MTUS2: variants seen among roughly 807,000 people sequenced by gnomAD.
MTUS2 encodes microtubule associated scaffold protein 2.
Under a neutral mutation model 114.1 loss-of-function variants are expected in MTUS2, and 40 were observed. That is an observed-to-expected ratio of 0.35 (90% CI 0.27 to 0.46). MTUS2 has a LOEUF of 0.46. MTUS2 is among the 20% of genes least tolerant of loss of function. The probability of loss-of-function intolerance (pLI) is 1.00; values close to 1 mark genes in which losing one functional copy is unlikely to be tolerated. For missense variants in MTUS2, 1,679 were observed against 1,705.4 expected (o/e 0.98, Z 0.27); for synonymous variants, 688 against 672.0 (o/e 1.02, Z -0.37).
chr13:28,843,300 A>G (rs757582483), intron 2 of MTUS2, among the ~76,000 whole-genome samples: 1 of 152,142 alleles, frequency 6.6e-6, no homozygotes, highest in South Asian at 2.1e-4. Flanking sequence ...AGAAGTATCT[A>G]TATCATTGAA....
chr13:28,989,144 T>A (rs1884711296), intron 2 of MTUS2, among the ~76,000 whole-genome samples: 1 of 152,188 alleles, frequency 6.6e-6, no homozygotes, highest in African/African-American at 2.4e-5. Flanking sequence ...GATGCTCTGT[T>A]GGGCATGCTT....
chr13:28,986,303 G>A (rs1488043138), intron 2 of MTUS2, among the ~76,000 whole-genome samples: 2 of 152,122 alleles, frequency 1.3e-5, no homozygotes, highest in Non-Finnish European at 2.9e-5. Context: ...GAGGGTGATG[G>A]TGATTCATGG....
intron 5 of MTUS2, among the ~76,000 whole-genome samples, chr13:29,193,998 A>T (rs921971323): frequency 2.0e-4 from 31 of 152,030 alleles, no homozygotes; most frequent in Non-Finnish European, 2.5e-4. Flanking sequence ...TGGGGAAAGG[A>T]TTCCCTATTT....
intron 2 of MTUS2, among the ~76,000 whole-genome samples, chr13:28,980,307 A>T (rs540497780): frequency 6.6e-6 from 1 of 152,304 alleles, no homozygotes; most frequent in South Asian, 2.1e-4. Context: ...TTACATTGTT[A>T]AAAAAGTTAA....
At chr13:29,105,651 T>TC (rs1890630490) in intron 5 of MTUS2, among the ~76,000 whole-genome samples, 1 of 81,946 alleles carries the variant, frequency 1.2e-5, no homozygotes, top group Non-Finnish European at 3.4e-5. Context: ...TTTCTCCTGT[T>TC]TTTTTCTTTT....
chr13:29,277,039 A>G (rs915105124), intron 5 of MTUS2, among the ~76,000 whole-genome samples: 3 of 152,198 alleles, frequency 2.0e-5, no homozygotes, highest in African/African-American at 7.2e-5. Context: ...ACAGTTATTA[A>G]TCTCTGTTCT....
At chr13:29,000,963 C>T (rs1171474050) in intron 2 of MTUS2, among the ~76,000 whole-genome samples, 6 of 152,174 alleles carry the variant, frequency 3.9e-5, no homozygotes, top group Non-Finnish European at 8.8e-5. Context: ...TCCCCAGTTC[C>T]GCTGAACACT....
In MTUS2 at chr13:29,034,132, G is replaced by A. The variant is rs751807275; in HGVS notation, c.2446+7G>A. On this transcript the variant is annotated splice_region_variant and intron_variant, in intron 4 of 15. Coordinates refer to ENST00000612955, the MANE Select transcript of MTUS2 (RefSeq NM_001033602.4). ...TACAGTTCCGATCCTTCAGGTAACC[G>A]ATCCAACAGTTTCTGCCTTTTCCTG... 8.1e-6 allele frequency: 13 copies of A among 1,613,432 alleles called. No homozygotes were observed. Among genetic ancestry groups the A allele is most frequent in the East Asian group, 4.5e-5 (2 of 44,886 alleles).
chr13:29,149,302 T>C (rs1165958152), intron 5 of MTUS2, among the ~76,000 whole-genome samples: 1 of 152,246 alleles, frequency 6.6e-6, no homozygotes, highest in Non-Finnish European at 1.5e-5. Context: ...TTCTTATGTT[T>C]GTTGGCCGCA....
chr13:29,283,680 A>G (rs1023145757), intron 6 of MTUS2, among the ~76,000 whole-genome samples: 7 of 152,164 alleles, frequency 4.6e-5, no homozygotes, highest in Admixed American at 1.3e-4. Flanking sequence ...GAGAATTTGC[A>G]TTTCTAACAA....
At chr13:28,946,272 CGTGTGTGTGTGTGT>C (rs58873985) in intron 2 of MTUS2, among the ~76,000 whole-genome samples, 6 of 149,134 alleles carry the variant, frequency 4.0e-5, no homozygotes, top group East Asian at 2.0e-4. Flanking sequence ...TTTCTGTCTG[CGTGTGTGTGTGTGT>C]GTGTGTGTGT....
At chr13:29,075,925 T>C (rs1191642767) in intron 4 of MTUS2, among the ~76,000 whole-genome samples, 1 of 152,204 alleles carries the variant, frequency 6.6e-6, no homozygotes, top group East Asian at 1.9e-4. Flanking sequence ...TTGAAGTCTT[T>C]AGCTTATCCT....
rs1299830207 is a variant in MTUS2, at chr13:29,503,176, T to C, written c.4080T>C (p.Ser1360=). The change falls in exon 16 of 16, where the codon TCT becomes TCC. Residue 1360 remains serine (S), a synonymous_variant. Coordinates refer to ENST00000612955, the MANE Select transcript of MTUS2 (RefSeq NM_001033602.4). ...VYRGSSSGPS[S]PARVSTTPR ...GCGGCTCCTCCTCGGGGCCCTCCTC[T>C]CCGGCCAGAGTCAGCACAACACCCA... 1.2e-6 allele frequency: 2 copies of C among 1,614,084 alleles called. No individual in the cohort carries two copies. Among genetic ancestry groups the C allele is most frequent in the Non-Finnish European group, 1.7e-6 (2 of 1,180,036 alleles).
chr13:28,878,159 A>G (rs1289835569), intron 2 of MTUS2, among the ~76,000 whole-genome samples: 6 of 151,998 alleles, frequency 3.9e-5, no homozygotes, highest in Non-Finnish European at 8.8e-5. Flanking sequence ...CATTTCGTCT[A>G]ATGGCCCCAA....
intron 7 of MTUS2, among the ~76,000 whole-genome samples, chr13:29,341,600 C>T (rs900541462): frequency 1.3e-5 from 2 of 152,130 alleles, no homozygotes; most frequent in African/African-American, 4.8e-5. Flanking sequence ...GATGTCTGTT[C>T]ACTCTGCTGA....
intron 2 of MTUS2, among the ~76,000 whole-genome samples, chr13:28,930,118 G>C (rs1316032709): frequency 2.0e-5 from 3 of 152,122 alleles, no homozygotes; most frequent in Admixed American, 2.0e-4. Context: ...AAAAAATGTA[G>C]GCCACAGTCT....
intron 4 of MTUS2, among the ~76,000 whole-genome samples, chr13:29,048,038 G>T (rs1303333197): frequency 6.6e-6 from 1 of 152,062 alleles, no homozygotes; most frequent in Non-Finnish European, 1.5e-5. Context: ...AAAACAATTT[G>T]TTTATCCATA....
At chr13:28,966,931 A>C (rs1313379690) in intron 2 of MTUS2, among the ~76,000 whole-genome samples, 1 of 152,182 alleles carries the variant, frequency 6.6e-6, no homozygotes, top group African/African-American at 2.4e-5. Flanking sequence ...AGCTGAATTT[A>C]TTGAGAATAG....
Position 29,340,685 on chromosome 13 carries a change from G to A in MTUS2, c.2905+15974G>A, listed in dbSNP as rs1485962237. 3.3e-5 allele frequency among the ~76,000 whole-genome samples: 5 copies of A among 152,080 alleles called. No individual in the cohort carries two copies. In the East Asian group the frequency reaches 9.6e-4, roughly 29 times the overall value. ...TATTTCAGTAGTTTTTGGGGGAAAGGTGATGTTTGGTTATATGTATAAGTT... is the reference window on the plus strand; with the variant it reads ...TATTTCAGTAGTTTTTGGGGGAAAGATGATGTTTGGTTATATGTATAAGTT... On this transcript the variant is annotated intron_variant, in intron 7 of 15. Coordinates refer to ENST00000612955, the MANE Select transcript of MTUS2 (RefSeq NM_001033602.4).
Sources: allele counts gnomAD v4.1 joint callset (sites outside exome capture counted in the v4.1 genomes callset), GRCh38; gene constraint gnomAD v4.1.1; transcripts MANE v1.5; gene names NCBI Gene and HGNC (gene_info 2026-07-23, HGNC 2026-07-21).